Variants in CBFA2T3 observed in about 807,000 individuals in gnomAD.
The protein encoded by CBFA2T3 is transcriptional corepressor CBFA2T3.
A neutral mutation model predicts 58.6 loss-of-function variants in CBFA2T3; 31 were observed. That is an observed-to-expected ratio of 0.53 (90% CI 0.40 to 0.71). The LOEUF (loss-of-function observed/expected upper bound fraction) is 0.71, where lower values mean the gene tolerates loss of function less well. Among genes scored for constraint, CBFA2T3 ranks in the 30% least tolerant of loss-of-function variants. The probability of loss-of-function intolerance (pLI) is 0.00; values close to 1 mark genes in which losing one functional copy is unlikely to be tolerated. For missense variants in CBFA2T3, 1,076 were observed against 963.1 expected (o/e 1.12, Z -1.55); for synonymous variants, 531 against 421.9 (o/e 1.26, Z -3.17).
chr16:88,880,819 G>A, intron 9 of CBFA2T3, 31 bp from the exon 10 acceptor site: 1 of 1,556,252 alleles, frequency 6.4e-7, no homozygotes, highest in Non-Finnish European at 8.7e-7. Flanking sequence ...ACACAGGATG[G>A]GCCACGCGGC....
chr16:88,882,607 T>TGGCTGTGTGTGTGC, intron 8 of CBFA2T3, 69 bp downstream of exon 8: 1 of 931,588 alleles, frequency 1.1e-6, no homozygotes, highest in South Asian at 1.4e-5. Flanking sequence ...TGTGTGTGCG[T>TGGCTGTGTGTGTGC]GGCTGTGTGT....
chr16:88,909,546 A>G (rs7404039), intron 1 of CBFA2T3, among the ~76,000 whole-genome samples: 5,195 of 150,280 alleles, frequency 0.035, 230 homozygotes, highest in African/African-American at 0.099. Flanking sequence ...CAGCTGGGAC[A>G]GAAGACGCCA....
chr16:88,892,023 G>C lies in CBFA2T3; in HGVS notation c.622-52C>G, dbSNP rs749698445. On this transcript the variant is annotated intron_variant, in intron 4 of 11. Transcript: ENST00000268679. ...TCAGCACCGCTCGGCATGTGAGCCA[G>C]CGCCGACCCACCCATGCCTGAGGAG... is the stretch of plus-strand genomic sequence containing the variant. The C allele has an allele frequency of 3.3e-6, 5 of 1,502,308 alleles. No homozygotes were observed. In the African/African-American group the frequency reaches 6.9e-5, roughly 21 times the overall value. 93.1% of individuals were successfully genotyped at this position (1,502,308 alleles called of 1,614,324 possible).
intron 3 of CBFA2T3, among the ~76,000 whole-genome samples, chr16:88,894,169 A>G (rs1455541600): frequency 2.7e-5 from 4 of 150,786 alleles, no homozygotes; most frequent in Non-Finnish European, 4.4e-5. Flanking sequence ...GCACACATGC[A>G]CACACACATG....
At chr16:88,966,656 A>C (rs2142874818) in intron 1 of CBFA2T3, among the ~76,000 whole-genome samples, 1 of 149,606 alleles carries the variant, frequency 6.7e-6, no homozygotes, top group African/African-American at 2.4e-5. Context: ...TCCAGGAGCA[A>C]TGGACACTCT....
chr16:88,946,243 G>A (rs139490425), intron 1 of CBFA2T3, among the ~76,000 whole-genome samples: 63 of 152,116 alleles, frequency 4.1e-4, no homozygotes, highest in African/African-American at 1.3e-3. Flanking sequence ...GGAGGCAGAG[G>A]TTGTAGTGGC....
chr16:88,904,311 T>G (rs1970219370), intron 1 of CBFA2T3, among the ~76,000 whole-genome samples: 1 of 151,916 alleles, frequency 6.6e-6, no homozygotes, highest in Non-Finnish European at 1.5e-5. Context: ...GACGACTCAT[T>G]GCATCCTCAC....
chr16:88,908,971 C>T (rs1970432005), intron 1 of CBFA2T3, among the ~76,000 whole-genome samples: 1 of 152,032 alleles, frequency 6.6e-6, no homozygotes, highest in Non-Finnish European at 1.5e-5. Flanking sequence ...GCACCTGGCT[C>T]TGGATCCGAT....
intron 1 of CBFA2T3, among the ~76,000 whole-genome samples, chr16:88,918,150 G>C (rs1441196047): frequency 1.3e-5 from 2 of 152,212 alleles, no homozygotes; most frequent in South Asian, 4.1e-4. Context: ...GAAGCCCCTG[G>C]GACCCCAGGA....
Position 88,976,975 on chromosome 16 carries a change from A to C in CBFA2T3, c.-168T>G. ...AAAGCCGAGGCCCTCCCGGCCACCA[A>C]CTGGGTGTCCTCTGCCCTGGGGAGG... On this transcript the variant is annotated 5_prime_UTR_variant, in exon 1 of 12. Coordinates refer to ENST00000268679, the MANE Select transcript of CBFA2T3 (RefSeq NM_005187.6). 1.4e-5 allele frequency: 10 copies of C among 717,878 alleles called. No individual in the cohort carries two copies. Among genetic ancestry groups the C allele is most frequent in the Non-Finnish European group, 2.0e-5 (9 of 453,312 alleles). 44.5% of individuals were successfully genotyped at this position (717,878 alleles called of 1,614,324 possible).
chr16:88,962,199 C>A (rs1254150670), intron 1 of CBFA2T3, among the ~76,000 whole-genome samples: 3 of 152,140 alleles, frequency 2.0e-5, no homozygotes, highest in African/African-American at 7.2e-5. Context: ...CCATAGTAAC[C>A]GACCCTCAGC....
chr16:88,896,968 C>T (rs553015223), intron 3 of CBFA2T3, among the ~76,000 whole-genome samples: 3 of 152,370 alleles, frequency 2.0e-5, no homozygotes, highest in South Asian at 2.1e-4. Context: ...TTCATTCCCA[C>T]GACAGGTGTG....
At position 88,885,359 on chromosome 16, in the gene CBFA2T3, G is replaced by A. The variant is rs1406714567; in HGVS notation, c.894-90C>T. Reference sequence around the variant, plus strand: ...GTGGGGTGAGAGGCAGACAGGCAAGGGCAGAGAGAAAGAGGACACGTAAGG... The same window carrying A: ...GTGGGGTGAGAGGCAGACAGGCAAGAGCAGAGAGAAAGAGGACACGTAAGG... On this transcript the variant is annotated intron_variant, in intron 6 of 11. Transcript: ENST00000268679. The surrounding 1 kb of genome is among the most constrained non-coding windows in gnomAD (Gnocchi z 5.3). 6.8e-6 allele frequency: 6 copies of A among 878,810 alleles called. No individual in the cohort carries two copies. Among genetic ancestry groups the A allele is most frequent in the Middle Eastern group, 5.0e-4 (2 of 4,030 alleles). 54.4% of individuals were successfully genotyped at this position (878,810 alleles called of 1,614,324 possible).
chr16:88,945,064 C>T (rs1051858191), intron 1 of CBFA2T3, among the ~76,000 whole-genome samples: 5 of 152,180 alleles, frequency 3.3e-5, no homozygotes, highest in African/African-American at 1.2e-4. Flanking sequence ...AACTAAAACT[C>T]TGCAACAAAA....
chr16:88,942,852 CTG>C (rs1255336120), intron 1 of CBFA2T3, among the ~76,000 whole-genome samples: 7 of 149,572 alleles, frequency 4.7e-5, no homozygotes, highest in Non-Finnish European at 8.8e-5. Flanking sequence ...GGTTTTCAGA[CTG>C]TGCGTAACAT....
At position 88,879,870 on chromosome 16, in the gene CBFA2T3, C is replaced by T. The variant is rs112150131; in HGVS notation, c.1472-410G>A. On this transcript the variant is annotated intron_variant, in intron 10 of 11. Transcript: ENST00000268679. ...GCGCACCCGGAATCTGCATTCCTAA[C>T]GCGAGCCGGGGGAGCTGCTGCTGAC... 3.7e-3 allele frequency: 690 copies of T among 184,850 alleles called. 3 individuals are homozygous for T. The highest frequency in any genetic ancestry group is 0.015 in the African/African-American group (644 of 43,122). 11.5% of individuals were successfully genotyped at this position (184,850 alleles called of 1,614,324 possible).
At chr16:88,910,261 C>T (rs147089667) in intron 1 of CBFA2T3, among the ~76,000 whole-genome samples, 322 of 152,310 alleles carry the variant, frequency 2.1e-3, no homozygotes, top group African/African-American at 7.3e-3. Flanking sequence ...GCCTCCTTCC[C>T]GGTGATGCTG....
In CBFA2T3 at chr16:88,970,812, CCA is replaced by C. The variant is rs1972636366; in HGVS notation, c.151+5843_151+5844del. Among the ~76,000 whole-genome samples, 6 of 152,372 alleles carry C rather than the reference CCA, an allele frequency of 3.9e-5. No individual in the cohort carries two copies. The South Asian group carries it at 1.2e-3, about 32-fold the overall frequency. On this transcript the variant is annotated intron_variant, in intron 1 of 11. Coordinates refer to ENST00000268679, the MANE Select transcript of CBFA2T3 (RefSeq NM_005187.6). ...CTGAGGGCCCTGCTGCAAGCAGGCA[CCA>C]GAGCCCCTGTCTCGTGCAGCCGACG...
chr16:88,975,025 G>T (rs1972764068), intron 1 of CBFA2T3, among the ~76,000 whole-genome samples: 2 of 151,586 alleles, frequency 1.3e-5, no homozygotes, highest in South Asian at 4.2e-4. Flanking sequence ...CCGCACCCAA[G>T]TGAGACCCTG....
Sources: gnomAD v4.1 joint callset for allele counts (sites outside exome capture counted in the v4.1 genomes callset) on GRCh38, gnomAD v4.1.1 for gene constraint, Gnocchi (gnomAD v3.1) non-coding constraint, MANE v1.5 for transcripts, NCBI Gene and HGNC (gene_info 2026-07-23, HGNC 2026-07-21) for gene names.